BORCS8: variants seen among roughly 807,000 people sequenced by gnomAD.
The protein encoded by BORCS8 is BLOC-1 related complex subunit 8, also known as BLOC-1-related complex subunit 8.
Under a neutral mutation model 18.7 loss-of-function variants are expected in BORCS8, and 13 were observed. The ratio of observed to expected loss-of-function variants is 0.70; its 90% CI spans 0.45 to 1.11. The LOEUF is 1.11. Among genes scored for constraint, BORCS8 ranks in the 50% least tolerant of loss-of-function variants. The probability of loss-of-function intolerance (pLI) is 0.00; values close to 1 mark genes in which losing one functional copy is unlikely to be tolerated. For synonymous variants in BORCS8, 68 were observed against 64.8 expected (o/e 1.05, Z -0.24); for missense variants, 165 against 165.7 (o/e 1.00, Z 0.02).
At chr19:19,187,485 A>G (rs1336135777) in intron 1 of BORCS8, among the ~76,000 whole-genome samples, 5 of 151,884 alleles carry the variant, frequency 3.3e-5, no homozygotes, top group African/African-American at 9.7e-5. Flanking sequence ...TCAAAAAAAA[A>G]AAAAGAGGAC....
At chr19:19,186,159 C>T (rs2146423980) in intron 2 of BORCS8, 61 bp from the exon 3 acceptor site, 1 of 1,482,116 alleles carries the variant, frequency 6.7e-7, no homozygotes, top group South Asian at 1.2e-5. Flanking sequence ...GGGCCTTCCT[C>T]CCAGCTCTCT....
In BORCS8 at chr19:19,187,019, G is replaced by A. The variant is rs1164804676; in HGVS notation, c.38-14C>T. On this transcript the variant is annotated splice_polypyrimidine_tract_variant and intron_variant, in intron 1 of 5. Coordinates refer to ENST00000462790, the MANE Select transcript of BORCS8 (RefSeq NM_001145784.2). ...ACTTGTCCGTGACTAGATACAGGTGGTAGGGATGGGGCGGGTGTGGGGAGA... is the reference window on the plus strand; with the variant it reads ...ACTTGTCCGTGACTAGATACAGGTGATAGGGATGGGGCGGGTGTGGGGAGA... 6.5e-7 allele frequency: 1 copy of A among 1,541,654 alleles called. No homozygotes were observed. Among genetic ancestry groups the A allele is most frequent in the African/African-American group, 1.4e-5 (1 of 72,858 alleles).
chr19:19,180,681 C>T lies in BORCS8; in HGVS notation c.*42+5G>A. ...GAGAGGCTCGTGGCTACCCTCGGCA[C>T]TGACCTGGGTTGGCGGAGGCTGGGG... On this transcript the variant is annotated splice_donor_5th_base_variant and intron_variant, in intron 5 of 5. Transcript: ENST00000462790. 4 of 1,538,162 alleles carry T rather than the reference C, an allele frequency of 2.6e-6. No homozygotes were observed. Among genetic ancestry groups the T allele is most frequent in the Non-Finnish European group, 3.5e-6 (4 of 1,136,456 alleles).
At chr19:19,187,117 C>G in intron 1 of BORCS8, 112 bp from the exon 2 acceptor site, 1 of 743,612 alleles carries the variant, frequency 1.3e-6, no homozygotes, top group South Asian at 1.7e-5. Flanking sequence ...CGTGTCCCTC[C>G]GCAGCTAGGT....
At chr19:19,187,539 ACTT>A (rs1045475032) in intron 1 of BORCS8, among the ~76,000 whole-genome samples, 8 of 151,046 alleles carry the variant, frequency 5.3e-5, no homozygotes, top group Non-Finnish European at 8.9e-5. Context: ...TAACGAGTAA[ACTT>A]CTTTTTTTTT....
At chr19:19,190,887 G>A (rs1216326705) in intron 1 of BORCS8, among the ~76,000 whole-genome samples, 1 of 152,110 alleles carries the variant, frequency 6.6e-6, no homozygotes, top group Non-Finnish European at 1.5e-5. Context: ...TCCCGAATCT[G>A]TGGATTCAAC....
intron 1 of BORCS8, among the ~76,000 whole-genome samples, chr19:19,188,201 T>G (rs1395936477): frequency 6.6e-6 from 1 of 151,874 alleles, no homozygotes; most frequent in Non-Finnish European, 1.5e-5. Flanking sequence ...GGCTAACTTT[T>G]TGTATTTTTT....
intron 1 of BORCS8, among the ~76,000 whole-genome samples, chr19:19,187,933 C>T (rs1396665994): frequency 6.6e-6 from 1 of 152,102 alleles, no homozygotes; most frequent in African/African-American, 2.4e-5. Flanking sequence ...CCTCGAAACT[C>T]CCAGCCTCAA....
At chr19:19,190,315 G>C (rs2060453240) in intron 1 of BORCS8, among the ~76,000 whole-genome samples, 1 of 152,232 alleles carries the variant, frequency 6.6e-6, no homozygotes, top group Admixed American at 6.5e-5. Flanking sequence ...GTTTGCTACA[G>C]AGATGAATCC....
intron 3 of BORCS8, among the ~76,000 whole-genome samples, chr19:19,184,311 T>TC (rs1568566029): frequency 6.8e-6 from 1 of 147,888 alleles, no homozygotes; most frequent in African/African-American, 2.5e-5. Context: ...CTTTCTTTTT[T>TC]TTTTTTTTTT....
Position 19,182,600 on chromosome 19 carries a change from T to C in BORCS8, c.299A>G (p.His100Arg). The C allele has an allele frequency of 7.1e-6, 11 of 1,551,230 alleles. No individual in the cohort carries two copies. Among genetic ancestry groups the C allele is most frequent in the Non-Finnish European group, 8.7e-6 (10 of 1,146,886 alleles). Residue 100 changes from histidine (H) to arginine (R), a missense_variant, in exon 4 of 6, where the codon CAT becomes CGT. Transcript: ENST00000462790. The surrounding 1 kb of genome is among the most constrained non-coding windows in gnomAD (Gnocchi z 4.1). ...LLKQAISIRD[H>R]MNASAQGHSP... ...GTGGCCCTGGGCACTGGCATTCATA[T>C]GGTCCCGGATGCTGATGGCCTGTTT...
chr19:19,186,210 C>A (rs375058670), intron 2 of BORCS8, 112 bp from the exon 3 acceptor site: 10 of 999,140 alleles, frequency 1.0e-5, no homozygotes, highest in African/African-American at 6.4e-5. Context: ...GAAGCAGAGA[C>A]CTTTCCTCCT....
intron 3 of BORCS8, among the ~76,000 whole-genome samples, chr19:19,184,504 G>A (rs945861415): frequency 3.3e-5 from 5 of 151,810 alleles, no homozygotes; most frequent in Middle Eastern, 3.4e-3. Context: ...CGGTTTCACC[G>A]TGTTAGCCAG....
At chr19:19,191,943 A>C in intron 1 of BORCS8, 138 bp downstream of exon 1, 1 of 1,057,142 alleles carries the variant, frequency 9.5e-7, no homozygotes, top group African/African-American at 1.6e-5. Flanking sequence ...CAGGTTTCAA[A>C]ACTAGTCAGC....
In BORCS8 at chr19:19,182,695, G is replaced by A; in HGVS notation, c.216-12C>T. On this transcript the variant is annotated splice_polypyrimidine_tract_variant and intron_variant, in intron 3 of 5. Transcript: ENST00000462790. The surrounding 1 kb of genome is among the most constrained non-coding windows in gnomAD (Gnocchi z 4.1). ...GGTTCTTCACGGCGCTGAAACGGGA[G>A]GACAGGCCTGGTCAGCGCTCCGGAC... 6.5e-7 allele frequency: 1 copy of A among 1,548,568 alleles called. No homozygotes were observed. The highest frequency in any genetic ancestry group is 8.7e-7 in the Non-Finnish European group (1 of 1,146,192).
intron 1 of BORCS8, 62 bp from the exon 2 acceptor site, chr19:19,187,067 C>T (rs2060416570): frequency 6.0e-6 from 8 of 1,334,050 alleles, no homozygotes; most frequent in South Asian, 5.3e-5. Flanking sequence ...CTCCTCATTG[C>T]TCAAGTGTTG....
At position 19,182,770 on chromosome 19, in the gene BORCS8, C is replaced by T. The variant is rs979601259; in HGVS notation, c.216-87G>A. 7.6e-6 allele frequency: 11 copies of T among 1,440,294 alleles called. No homozygotes were observed. Among genetic ancestry groups the T allele is most frequent in the African/African-American group, 2.8e-5 (2 of 70,428 alleles). The allele number at this position is 1,440,294 out of a possible 1,614,324, so 89.2% of individuals were successfully genotyped here. A position where few individuals can be genotyped will look rare whatever the true frequency, so the allele number is the denominator to read the frequency against. On this transcript the variant is annotated intron_variant, in intron 3 of 5. Transcript: ENST00000462790. The surrounding 1 kb of genome is among the most constrained non-coding windows in gnomAD (Gnocchi z 4.1). Reference sequence around the variant, plus strand: ...AGCACTTGAGGTCACCACCAGGGCTCGGTGGGTACCTCAGTGATTCTGCGG... The same window carrying T: ...AGCACTTGAGGTCACCACCAGGGCTTGGTGGGTACCTCAGTGATTCTGCGG...
intron 1 of BORCS8, among the ~76,000 whole-genome samples, chr19:19,190,490 T>C (rs2146434954): frequency 6.6e-6 from 1 of 152,278 alleles, no homozygotes; most frequent in South Asian, 2.1e-4. Flanking sequence ...CCTCCTCGCT[T>C]TGAATGTGAG....
intron 1 of BORCS8, among the ~76,000 whole-genome samples, chr19:19,188,505 A>G (rs2146429949): frequency 6.6e-6 from 1 of 152,154 alleles, no homozygotes; most frequent in Admixed American, 6.5e-5. Context: ...CCGGTAGTGG[A>G]CACTGCTGCC....
Sources: gnomAD v4.1 joint callset for allele counts (sites outside exome capture counted in the v4.1 genomes callset) on GRCh38, gnomAD v4.1.1 for gene constraint, Gnocchi (gnomAD v3.1) non-coding constraint, MANE v1.5 for transcripts, NCBI Gene and HGNC (gene_info 2026-07-23, HGNC 2026-07-21) for gene names.